PVT1: variants seen among roughly 807,000 people sequenced by gnomAD.
PVT1 encodes Pvt1 oncogene.
intron 2 of PVT1, among the ~76,000 whole-genome samples, chr8:127,888,025 C>T (rs900366608): frequency 7.2e-6 from 1 of 139,366 alleles, no homozygotes; most frequent in Non-Finnish European, 1.5e-5. Flanking sequence ...ACTACAACCT[C>T]GGCCTCCTGG....
At chr8:127,821,533 G>A (rs189169899) in intron 2 of PVT1, among the ~76,000 whole-genome samples, 5 of 152,158 alleles carry the variant, frequency 3.3e-5, no homozygotes, top group East Asian at 3.9e-4. Flanking sequence ...AATTACTGCC[G>A]GGTGCGGTGG....
intron 5 of PVT1, among the ~76,000 whole-genome samples, chr8:128,095,946 G>A (rs1368818765): frequency 6.6e-6 from 1 of 152,224 alleles, no homozygotes; most frequent in Non-Finnish European, 1.5e-5. Context: ...ATGTAAGATG[G>A]TGTTACTTTC....
Position 127,987,832 on chromosome 8 carries a change from A to G in PVT1, n.783-1330A>G, listed in dbSNP as rs978319472. ...GGCTAAAAGTGCTTTCCTGGTCACA[A>G]TGCCTGAGGCGTGTGGGAGGCTGCT... On this transcript the variant is annotated intron_variant and non_coding_transcript_variant, in intron 3 of 10. Coordinates refer to ENST00000651587, the Ensembl canonical transcript of PVT1. Among the ~76,000 whole-genome samples the G allele has an allele frequency of 1.2e-4, 18 of 152,242 alleles. 1 individual carries two copies. The highest frequency in any genetic ancestry group is 1.2e-3 in the Admixed American group (18 of 15,284).
At chr8:128,045,416 C>T (rs1175643077) in intron 4 of PVT1, among the ~76,000 whole-genome samples, 1 of 152,202 alleles carries the variant, frequency 6.6e-6, no homozygotes. Flanking sequence ...TACCCCACAA[C>T]ATCTTATCTA....
At chr8:128,085,338 G>A (rs1420356472) in intron 5 of PVT1, among the ~76,000 whole-genome samples, 1 of 152,116 alleles carries the variant, frequency 6.6e-6, no homozygotes, top group Non-Finnish European at 1.5e-5. Flanking sequence ...ACCCAGCCAA[G>A]CCCATCCCAA....
At chr8:127,934,885 T>C (rs1412778064) in intron 3 of PVT1, among the ~76,000 whole-genome samples, 1 of 152,172 alleles carries the variant, frequency 6.6e-6, no homozygotes, top group Non-Finnish European at 1.5e-5. Context: ...CCAGATGGCG[T>C]TGGGCTAGAA....
chr8:127,815,836 A>G (rs1311269309), intron 2 of PVT1, among the ~76,000 whole-genome samples: 1 of 152,160 alleles, frequency 6.6e-6, no homozygotes, highest in East Asian at 1.9e-4. Context: ...ACAAAATTAT[A>G]GATGTAAGGC....
At chr8:127,999,269 G>A (rs1231800495) in intron 4 of PVT1, 2 of 152,006 alleles carry the variant, frequency 1.3e-5, no homozygotes, top group African/African-American at 4.8e-5. Flanking sequence ...TGTGGTAATG[G>A]GGGACTGCAT....
chr8:127,979,536 G>T (rs747256377), intron 3 of PVT1, among the ~76,000 whole-genome samples: 1 of 152,208 alleles, frequency 6.6e-6, no homozygotes, highest in Non-Finnish European at 1.5e-5. Flanking sequence ...TTTATTATGG[G>T]ATTCCTTTGG....
At chr8:127,921,073 CAG>C (rs1816050914) in intron 3 of PVT1, among the ~76,000 whole-genome samples, 1 of 152,146 alleles carries the variant, frequency 6.6e-6, no homozygotes, top group Non-Finnish European at 1.5e-5. Context: ...AACTGAGGAA[CAG>C]GGGTTTTTCT....
At chr8:127,857,693 A>G (rs959179919) in intron 2 of PVT1, among the ~76,000 whole-genome samples, 1 of 152,132 alleles carries the variant, frequency 6.6e-6, no homozygotes, top group Non-Finnish European at 1.5e-5. Flanking sequence ...ACAAAACAAA[A>G]CAAAGCAAAA....
chr8:128,022,490 G>C (rs1817449480), intron 4 of PVT1, among the ~76,000 whole-genome samples: 1 of 152,142 alleles, frequency 6.6e-6, no homozygotes, highest in African/African-American at 2.4e-5. Context: ...GGTCAGGAAG[G>C]CATTTCCCTG....
At chr8:127,930,585 A>G (rs965379816) in intron 3 of PVT1, among the ~76,000 whole-genome samples, 4 of 152,204 alleles carry the variant, frequency 2.6e-5, no homozygotes, top group African/African-American at 9.7e-5. Context: ...TTTTCAAAAC[A>G]AAGATGGTGT....
At chr8:127,930,931 G>T (rs776076836) in intron 3 of PVT1, among the ~76,000 whole-genome samples, 12 of 152,076 alleles carry the variant, frequency 7.9e-5, no homozygotes, top group Non-Finnish European at 1.6e-4. Context: ...TGTTGTTTTT[G>T]AGACAGGGTC....
intron 2 of PVT1, among the ~76,000 whole-genome samples, chr8:127,817,558 C>T (rs1814680702): frequency 6.3e-4 from 57 of 90,932 alleles, no homozygotes; most frequent in African/African-American, 1.2e-3. Context: ...CACACACACA[C>T]ACATATATAT....
At chr8:127,861,008 A>G (rs892485916) in intron 2 of PVT1, among the ~76,000 whole-genome samples, 2 of 151,974 alleles carry the variant, frequency 1.3e-5, no homozygotes, top group Admixed American at 1.3e-4. Flanking sequence ...CTCCCTCCTC[A>G]TTGGTGTACT....
intron 2 of PVT1, among the ~76,000 whole-genome samples, chr8:127,839,476 G>T (rs187617820): frequency 1.3e-5 from 2 of 151,580 alleles, no homozygotes; most frequent in East Asian, 3.9e-4. Context: ...CTTGAGCCTG[G>T]GAGGTCAAGC....
chr8:127,992,546 A>G (rs528433188), intron 4 of PVT1, among the ~76,000 whole-genome samples: 128 of 152,104 alleles, frequency 8.4e-4, no homozygotes, highest in Admixed American at 1.5e-3. Flanking sequence ...CCAGACTTCA[A>G]TTTTCCCAGC....
chr8:127,861,363 C>T (rs1372102105), intron 2 of PVT1, among the ~76,000 whole-genome samples: 3 of 152,170 alleles, frequency 2.0e-5, no homozygotes. Context: ...AATCCCAGCA[C>T]TTTGGGAGGC....
Sources: gnomAD v4.1 joint callset for allele counts (sites outside exome capture counted in the v4.1 genomes callset) on GRCh38, gnomAD v4.1.1 for gene constraint, MANE v1.5 for transcripts, NCBI Gene and HGNC (gene_info 2026-07-23, HGNC 2026-07-21) for gene names.